TLN2: variants seen among roughly 807,000 people sequenced by gnomAD.
TLN2 encodes the protein talin 2.
A neutral mutation model predicts 294.7 loss-of-function variants in TLN2; 118 were observed. That is an observed-to-expected ratio of 0.40 (90% confidence interval 0.34 to 0.47). The LOEUF is 0.47. Among genes scored for constraint, TLN2 ranks in the 20% least tolerant of loss-of-function variants. The probability of loss-of-function intolerance (pLI) is 0.84; values close to 1 mark genes in which losing one functional copy is unlikely to be tolerated. For missense variants in TLN2, 3,083 were observed against 3,282.2 expected, an observed-to-expected ratio of 0.94 and a Z score of 1.48; for synonymous variants, 1,431 against 1,304.5, an observed-to-expected ratio of 1.10 and a Z score of -2.09.
Position 62,678,018 on chromosome 15 carries a change from C to T in TLN2, c.957+2697C>T, listed in dbSNP as rs1023757227. Among the ~76,000 whole-genome samples, 4 of 151,992 alleles carry T rather than the reference C, an allele frequency of 2.6e-5. No individual in the cohort carries two copies. In the East Asian group the frequency reaches 7.7e-4, roughly 29 times the overall value. The stretch of plus-strand genomic sequence containing the variant: ...CCATGTTGGTCAGGCTGGTCTCGAA[C>T]TCCCTACCTCAGGTCATCCTCCTGC... On this transcript the variant is annotated intron_variant, in intron 11 of 58. Coordinates refer to ENST00000636159, the MANE Select transcript of TLN2 (RefSeq NM_015059.3).
At chr15:62,776,189 C>T (rs11853366) in intron 42 of TLN2, among the ~76,000 whole-genome samples, 93,500 of 151,884 alleles carry the variant, frequency 0.62, 29,499 homozygotes, top group Non-Finnish European at 0.68. Context: ...CTAATATGGT[C>T]TAAGGAATGC....
chr15:62,711,850 G>A, intron 21 of TLN2, 61 bp from the exon 22 acceptor site: 2 of 1,534,968 alleles, frequency 1.3e-6, no homozygotes, highest in Non-Finnish European at 1.8e-6. Context: ...AGTGGCTCCT[G>A]AGGTTTTACT....
chr15:62,619,490 C>A (rs2048588171), intron 3 of TLN2, among the ~76,000 whole-genome samples: 1 of 152,206 alleles, frequency 6.6e-6, no homozygotes, highest in South Asian at 2.1e-4. Flanking sequence ...TCATTAACAA[C>A]TGTAGTGGGT....
intron 1 of TLN2, among the ~76,000 whole-genome samples, chr15:62,574,013 T>C (rs1347965186): frequency 7.9e-5 from 12 of 152,074 alleles, no homozygotes; most frequent in Non-Finnish European, 1.8e-4. Context: ...GGGTGTCCCA[T>C]CTTTGGTGCA....
rs145726168 is a variant in TLN2, at chr15:62,429,037, C to T, written c.-238+38352C>T. On this transcript the variant is annotated intron_variant, in intron 1 of 58. Coordinates refer to ENST00000636159, the MANE Select transcript of TLN2 (RefSeq NM_015059.3). ...AGACAGATATCATCAGCCTGACTTCCGTCTGGAGACCGGCCCTGGAGCAGC... is the reference window on the plus strand; with the variant it reads ...AGACAGATATCATCAGCCTGACTTCTGTCTGGAGACCGGCCCTGGAGCAGC... Among the ~76,000 whole-genome samples the T allele has an allele frequency of 1.6e-3, 237 of 148,384 alleles. 1 individual carries two copies. Among genetic ancestry groups the T allele is most frequent in the African/African-American group, 5.4e-3 (220 of 40,770 alleles).
chr15:62,746,124 C>G (rs1342421156), intron 32 of TLN2, among the ~76,000 whole-genome samples: 1 of 151,576 alleles, frequency 6.6e-6, no homozygotes, highest in African/African-American at 2.4e-5. Flanking sequence ...ACTTAGTTTT[C>G]AATGGAAGAA....
chr15:62,776,760 TC>T lies in TLN2; in HGVS notation c.5368-3del. 1 of 1,513,592 alleles carries T rather than the reference TC, an allele frequency of 6.6e-7. No homozygotes were observed. The highest frequency in any genetic ancestry group is 1.3e-5 in the South Asian group (1 of 78,416). 93.8% of individuals were successfully genotyped at this position (1,513,592 alleles called of 1,614,324 possible). On this transcript the variant is annotated splice_region_variant and splice_polypyrimidine_tract_variant and intron_variant, in intron 42 of 58. Transcript: ENST00000636159. ...AAGGAAATGTTTCACAATTCCCTTC[TC>T]AGGCACAACACACCCATGACGCCAT...
chr15:62,573,678 C>G (rs999112459), intron 1 of TLN2, among the ~76,000 whole-genome samples: 1 of 152,106 alleles, frequency 6.6e-6, no homozygotes, highest in Admixed American at 6.5e-5. Flanking sequence ...CCCCAGGAAC[C>G]CCCTTCCCTC....
In TLN2 at chr15:62,743,729, G is replaced by T. The variant is rs184237582; in HGVS notation, c.4025+2960G>T. On this transcript the variant is annotated intron_variant, in intron 32 of 58. Coordinates refer to ENST00000636159, the MANE Select transcript of TLN2 (RefSeq NM_015059.3). ...GCTTGCAGTTGCCAAAACGAAGGGG[G>T]TATCCTACCTCTGAACACCTTCCCT... Among the ~76,000 whole-genome samples the T allele has an allele frequency of 2.3e-3, 356 of 152,216 alleles. 4 individuals are homozygous for T. Among genetic ancestry groups the T allele is most frequent in the African/African-American group, 8.1e-3 (337 of 41,528 alleles).
Position 62,504,818 on chromosome 15 carries a change from G to GTGTGTGTGT in TLN2, c.-237-84869_-237-84868insTGTGTGTGT, listed in dbSNP as rs2039500682. Among the ~76,000 whole-genome samples, 5 of 143,624 alleles carry GTGTGTGTGT rather than the reference G, an allele frequency of 3.5e-5. No homozygotes were observed. The East Asian group carries it at 1.1e-3, about 32-fold the overall frequency. 94.2% of individuals were successfully genotyped at this position (143,624 alleles called of 152,430 possible). ...AAGGGTAACAGAAAGTAGTTGGTGG[G>GTGTGTGTGT]GTGTGTGTGTGTGTGTGTGTGTGTG... On this transcript the variant is annotated intron_variant, in intron 1 of 58. Coordinates refer to ENST00000636159, the MANE Select transcript of TLN2 (RefSeq NM_015059.3).
In TLN2 at chr15:62,840,807, C is replaced by A; in HGVS notation, c.*197C>A. 1.5e-6 allele frequency: 1 copy of A among 667,128 alleles called. No individual in the cohort carries two copies. 41.3% of individuals were successfully genotyped at this position (667,128 alleles called of 1,614,324 possible). On this transcript the variant is annotated 3_prime_UTR_variant, in exon 59 of 59. Coordinates refer to ENST00000636159, the MANE Select transcript of TLN2 (RefSeq NM_015059.3). Reference sequence around the variant, plus strand: ...TCGTGATGTCACACGGTACAATGTCCTACCCACAACTCCTCTGCCGCCTCC... The same window carrying A: ...TCGTGATGTCACACGGTACAATGTCATACCCACAACTCCTCTGCCGCCTCC...
At chr15:62,702,959 C>A (rs1478476004) in intron 19 of TLN2, 95 bp downstream of exon 19, 4 of 1,134,650 alleles carry the variant, frequency 3.5e-6, no homozygotes, top group Admixed American at 3.7e-5. Context: ...CTAACTAAAT[C>A]TTTGAGATAG....
intron 1 of TLN2, among the ~76,000 whole-genome samples, chr15:62,524,597 T>G (rs1002841064): frequency 6.6e-6 from 1 of 152,004 alleles, no homozygotes; most frequent in African/African-American, 2.4e-5. Flanking sequence ...TCAGAAGGAG[T>G]AGATGAAACC....
intron 3 of TLN2, among the ~76,000 whole-genome samples, chr15:62,643,633 A>G (rs1164777202): frequency 6.6e-6 from 1 of 151,882 alleles, no homozygotes; most frequent in Non-Finnish European, 1.5e-5. Flanking sequence ...CAACGGGTAT[A>G]GTTGGCCAAG....
At chr15:62,564,751 A>G (rs1028938353) in intron 1 of TLN2, among the ~76,000 whole-genome samples, 7 of 151,842 alleles carry the variant, frequency 4.6e-5, no homozygotes, top group Non-Finnish European at 8.8e-5. Flanking sequence ...TACTAAAAAT[A>G]CAAAAATTAG....
chr15:62,787,096 A>C (rs1046583648), intron 45 of TLN2, among the ~76,000 whole-genome samples: 1 of 151,288 alleles, frequency 6.6e-6, no homozygotes, highest in Non-Finnish European at 1.5e-5. Flanking sequence ...AGGTCTCACT[A>C]TGTTGCCCAG....
At chr15:62,822,901 G>C (rs1329149002) in intron 54 of TLN2, among the ~76,000 whole-genome samples, 1 of 152,158 alleles carries the variant, frequency 6.6e-6, no homozygotes, top group Non-Finnish European at 1.5e-5. Flanking sequence ...GATGATGGAA[G>C]GGTCTGTGTT....
At position 62,514,684 on chromosome 15, in the gene TLN2, T is replaced by A. The variant is rs144253670; in HGVS notation, c.-237-75003T>A. Among the ~76,000 whole-genome samples the A allele has an allele frequency of 4.8e-3, 731 of 152,338 alleles. 7 individuals carry two copies. The highest frequency in any genetic ancestry group is 0.016 in the African/African-American group (659 of 41,588). ...AAATTAATTTTGTGTCAGGTTGTAATTGTAATTGAAGTGTTAAAGACTTCG... is the reference window on the plus strand; with the variant it reads ...AAATTAATTTTGTGTCAGGTTGTAAATGTAATTGAAGTGTTAAAGACTTCG... On this transcript the variant is annotated intron_variant, in intron 1 of 58. Coordinates refer to ENST00000636159, the MANE Select transcript of TLN2 (RefSeq NM_015059.3).
chr15:62,554,534 A>G (rs2042501793), intron 1 of TLN2, among the ~76,000 whole-genome samples: 1 of 152,040 alleles, frequency 6.6e-6, no homozygotes, highest in Non-Finnish European at 1.5e-5. Context: ...GAACTTTGAA[A>G]TAAGTCAGAT....
Sources: allele counts gnomAD v4.1 joint callset (sites outside exome capture counted in the v4.1 genomes callset), GRCh38; gene constraint gnomAD v4.1.1; transcripts MANE v1.5; gene names NCBI Gene and HGNC (gene_info 2026-07-23, HGNC 2026-07-21).